CYP3A7: variants seen among roughly 807,000 people sequenced by gnomAD.
The protein encoded by CYP3A7 is cytochrome P450 3A7.
Under a neutral mutation model 55.2 loss-of-function variants are expected in CYP3A7, and 45 were observed. The ratio of observed to expected loss-of-function variants is 0.82; its 90% CI spans 0.64 to 1.05. The LOEUF (loss-of-function observed/expected upper bound fraction) is 1.05. CYP3A7 is among the 50% of genes least tolerant of loss of function. The pLI, the probability that CYP3A7 is intolerant of heterozygous loss-of-function variation, is 0.00. For synonymous variants in CYP3A7, 180 were observed against 207.4 expected (o/e 0.87, Z 1.13); for missense variants, 548 against 605.3 (o/e 0.91, Z 0.99).
intron 1 of CYP3A7, among the ~76,000 whole-genome samples, chr7:99,733,884 T>G (rs1424900423): frequency 1.3e-5 from 2 of 152,198 alleles, no homozygotes; most frequent in Non-Finnish European, 2.9e-5. Flanking sequence ...TAAAATAAAC[T>G]CTTGGGAAAG....
chr7:99,727,048 T>C (rs1814438446), intron 2 of CYP3A7, among the ~76,000 whole-genome samples: 1 of 152,192 alleles, frequency 6.6e-6, no homozygotes, highest in African/African-American at 2.4e-5. Context: ...AAGGGAAACC[T>C]AGCTGACCCC....
chr7:99,717,732 C>G lies in CYP3A7; in HGVS notation c.319-93G>C. The stretch of plus-strand genomic sequence containing the variant: ...TGTTAAACAGGCATCATGTATTTAA[C>G]AAATATTTAGTGACTGTCTACTAAG... On this transcript the variant is annotated intron_variant, in intron 4 of 12. Transcript: ENST00000336374. 2.7e-6 allele frequency: 4 copies of G among 1,471,270 alleles called. No individual in the cohort carries two copies. The East Asian group carries it at 9.8e-5, about 36-fold the overall frequency. The allele number at this position is 1,471,270 out of a possible 1,614,324, so 91.1% of individuals were successfully genotyped here.
rs1253595262 is a variant in CYP3A7 at position 99,705,512 on chromosome 7, T to G, written c.1500A>C (p.Val500=). ...GTCCTTAGGGAAATCAGGCTCCACT[T>G]ACGGTCTCATCCCTTGACTCAGCCT... The part of the protein sequence containing the change: ...VLKAESRDET[V]SGA Residue 500 remains valine (V), a synonymous_variant, in exon 13 of 13, where the codon GTA becomes GTC. Coordinates refer to ENST00000336374, the MANE Select transcript of CYP3A7 (RefSeq NM_000765.5). The G allele has an allele frequency of 6.2e-7, 1 of 1,613,610 alleles. No individual in the cohort carries two copies. The highest frequency in any genetic ancestry group is 2.2e-5 in the East Asian group (1 of 44,858).
At chr7:99,715,590 C>G in intron 7 of CYP3A7, 168 bp downstream of exon 7, 2 of 1,216,086 alleles carry the variant, frequency 1.6e-6, no homozygotes, top group Non-Finnish European at 2.3e-6. Flanking sequence ...TCTAGAATGA[C>G]AGAAGTGTTT....
intron 3 of CYP3A7, among the ~76,000 whole-genome samples, chr7:99,721,507 G>C (rs1475898679): frequency 1.3e-5 from 2 of 152,116 alleles, no homozygotes; most frequent in African/African-American, 2.4e-5. Context: ...TGTGATAAAA[G>C]GGCATCAAGG....
chr7:99,716,396 C>T (rs183554621), intron 6 of CYP3A7, among the ~76,000 whole-genome samples: 1 of 152,330 alleles, frequency 6.6e-6, no homozygotes, highest in East Asian at 1.9e-4. Context: ...GAAATATCAT[C>T]CTTATTCTCT....
intron 8 of CYP3A7, 93 bp downstream of exon 8, chr7:99,714,462 C>A: frequency 6.4e-7 from 1 of 1,558,868 alleles, no homozygotes; most frequent in South Asian, 1.2e-5. Context: ...AAATCTTTCT[C>A]TAAAAACATA....
intron 2 of CYP3A7, among the ~76,000 whole-genome samples, chr7:99,727,679 T>C (rs1563027905): frequency 6.6e-6 from 1 of 152,186 alleles, no homozygotes; most frequent in Non-Finnish European, 1.5e-5. Flanking sequence ...CAGGCTGTGC[T>C]ATATTATCTT....
intron 3 of CYP3A7, 116 bp downstream of exon 3, chr7:99,722,180 G>T: frequency 1.5e-6 from 2 of 1,309,430 alleles, no homozygotes; most frequent in Admixed American, 1.9e-5. Flanking sequence ...TCTGTTTGTA[G>T]TTAGGCTGGC....
At chr7:99,715,568 A>G in intron 7 of CYP3A7, 190 bp downstream of exon 7, 1 of 992,668 alleles carries the variant, frequency 1.0e-6, no homozygotes, top group South Asian at 1.6e-5. Context: ...ATAGCTAAAC[A>G]TGTATGAGGT....
intron 9 of CYP3A7, among the ~76,000 whole-genome samples, chr7:99,712,152 A>G (rs1025348570): frequency 6.6e-6 from 1 of 152,170 alleles, no homozygotes; most frequent in Non-Finnish European, 1.5e-5. Flanking sequence ...CTGGATTAGG[A>G]CATTTAGAGA....
At chr7:99,717,376 T>C in intron 5 of CYP3A7, 111 bp from the exon 6 acceptor site, 2 of 1,600,432 alleles carry the variant, frequency 1.2e-6, no homozygotes, top group African/African-American at 2.7e-5. Flanking sequence ...ATGAATTTTA[T>C]GATGTGTTTT....
rs374234900 is a variant in CYP3A7, at chr7:99,717,526, C to T, written c.432G>A (p.Glu144=). ...ATTAAAACCCAAGTTATTTTCATAC[C>T]TCCTTGAGTTTTCCGCTGGTGAATG... The part of the protein sequence containing the change: ...SPTFTSGKLK[E]MVPIIAQYGD... Residue 144 remains glutamate (E), a splice_region_variant and synonymous_variant, in exon 5 of 13, where the codon GAG becomes GAA. Coordinates refer to ENST00000336374, the MANE Select transcript of CYP3A7 (RefSeq NM_000765.5). 36 of 1,613,568 alleles carry T rather than the reference C, an allele frequency of 2.2e-5. No homozygotes were observed. The African/African-American group carries it at 3.7e-4, about 17-fold the overall frequency.
At chr7:99,711,118 C>T (rs868520515) in intron 9 of CYP3A7, among the ~76,000 whole-genome samples, 1 of 152,124 alleles carries the variant, frequency 6.6e-6, no homozygotes, top group Admixed American at 6.5e-5. Context: ...GAACGTAGAC[C>T]ATCCGCTCCT....
At chr7:99,711,267 C>A (rs902330951) in intron 9 of CYP3A7, among the ~76,000 whole-genome samples, 2 of 152,186 alleles carry the variant, frequency 1.3e-5, no homozygotes, top group African/African-American at 4.8e-5. Context: ...GTAGTCTTCT[C>A]TCCCAAGAAA....
Position 99,710,878 on chromosome 7 carries a change from C to T in CYP3A7, c.880G>A (p.Glu294Lys). The T allele has an allele frequency of 1.2e-6, 2 of 1,613,668 alleles. No individual in the cohort carries two copies. The highest frequency in any genetic ancestry group is 1.7e-6 in the Non-Finnish European group (2 of 1,179,770). ...AAGATAATTGATTGGGCCATGAGCT[C>T]CAGATCAGACAGAGCTGAAAGGAGA... ...SETHKALSDL[E>K]LMAQSIIFIF... The change falls in exon 10 of 13, where the codon GAG becomes AAG. Residue 294 changes from glutamate to lysine, a missense_variant. Transcript: ENST00000336374.
intron 4 of CYP3A7, among the ~76,000 whole-genome samples, chr7:99,719,436 C>T (rs1309357524): frequency 5.3e-5 from 8 of 152,036 alleles, no homozygotes; most frequent in African/African-American, 1.4e-4. Context: ...AAAAAATGAA[C>T]GTTGATCTAA....
intron 6 of CYP3A7, among the ~76,000 whole-genome samples, chr7:99,716,969 G>C (rs978698596): frequency 6.6e-6 from 1 of 152,142 alleles, no homozygotes; most frequent in African/African-American, 2.4e-5. Context: ...CCTGACCTCT[G>C]TGCACAGGGG....
chr7:99,715,668 T>G (rs1813914727), intron 7 of CYP3A7, 90 bp downstream of exon 7: 1 of 1,598,660 alleles, frequency 6.3e-7, no homozygotes, highest in Admixed American at 1.7e-5. Context: ...CTGTACATTT[T>G]AAGTGGATGA....
Sources: gnomAD v4.1 joint callset for allele counts (sites outside exome capture counted in the v4.1 genomes callset) on GRCh38, gnomAD v4.1.1 for gene constraint, MANE v1.5 for transcripts, NCBI Gene and HGNC (gene_info 2026-07-23, HGNC 2026-07-21) for gene names.